FILIP1: variants seen among roughly 807,000 people sequenced by gnomAD.
FILIP1 encodes the protein filamin A interacting protein 1.
Under a neutral mutation model 102.1 loss-of-function variants are expected in FILIP1, and 61 were observed. The ratio of observed to expected loss-of-function variants is 0.60; its 90% CI spans 0.49 to 0.74. FILIP1 has a LOEUF of 0.74. FILIP1 is among the 30% of genes least tolerant of loss of function. FILIP1 has a pLI of 0.00. For missense variants in FILIP1, 1,314 were observed against 1,441.2 expected (o/e 0.91, Z 1.43); for synonymous variants, 491 against 526.9 (o/e 0.93, Z 0.93).
intron 2 of FILIP1, among the ~76,000 whole-genome samples, chr6:75,380,314 A>T (rs1562524358): frequency 6.6e-6 from 1 of 152,146 alleles, no homozygotes; most frequent in African/African-American, 2.4e-5. Flanking sequence ...TAAAGCTCAA[A>T]AGAAAAATGC....
At chr6:75,382,308 A>G (rs1393431636) in intron 2 of FILIP1, among the ~76,000 whole-genome samples, 1 of 152,214 alleles carries the variant, frequency 6.6e-6, no homozygotes, top group Non-Finnish European at 1.5e-5. Flanking sequence ...GCCCTAGAGC[A>G]TGACTTCTTG....
chr6:75,315,250 G>T (rs1773399443), intron 4 of FILIP1, 48 bp from the exon 5 acceptor site: 4 of 1,245,932 alleles, frequency 3.2e-6, no homozygotes, highest in South Asian at 3.7e-5. Context: ...TCAGCAAACA[G>T]ATTTAAGCAT....
chr6:75,409,268 T>A (rs1303646442), intron 2 of FILIP1, among the ~76,000 whole-genome samples: 1 of 152,190 alleles, frequency 6.6e-6, no homozygotes, highest in African/African-American at 2.4e-5. Context: ...TTTGGGCAAG[T>A]CACAAAACTC....
At chr6:75,450,156 G>A (rs558922351) in intron 1 of FILIP1, among the ~76,000 whole-genome samples, 12 of 152,066 alleles carry the variant, frequency 7.9e-5, no homozygotes, top group South Asian at 6.2e-4. Flanking sequence ...GAAGTGGCCC[G>A]GGCGGGTGGA....
chr6:75,388,362 G>A (rs905648122), intron 2 of FILIP1, among the ~76,000 whole-genome samples: 5 of 152,070 alleles, frequency 3.3e-5, no homozygotes, highest in Non-Finnish European at 7.4e-5. Context: ...TTGGCTATAC[G>A]GGCCCTTTTT....
chr6:75,322,113 A>G (rs1773685815), intron 4 of FILIP1, among the ~76,000 whole-genome samples: 3 of 151,904 alleles, frequency 2.0e-5, no homozygotes, highest in South Asian at 2.1e-4. Flanking sequence ...CTCTTCCCTC[A>G]TATTTAGAAA....
chr6:75,465,317 T>C (rs1779130968), intron 1 of FILIP1: 4 of 375,404 alleles, frequency 1.1e-5, no homozygotes, highest in African/African-American at 2.2e-5. Context: ...AAACTGAATA[T>C]ACAGCCTTAA....
chr6:75,323,569 G>A (rs905092068), intron 4 of FILIP1, among the ~76,000 whole-genome samples: 8 of 152,146 alleles, frequency 5.3e-5, no homozygotes, highest in African/African-American at 1.9e-4. Flanking sequence ...CATTTCAGGT[G>A]GTGTTAGAGG....
intron 1 of FILIP1, among the ~76,000 whole-genome samples, chr6:75,446,314 T>C (rs1169066916): frequency 6.6e-6 from 1 of 152,186 alleles, no homozygotes; most frequent in Admixed American, 6.5e-5. Context: ...TAAACTCCTA[T>C]ATTAATCAAG....
exon 7 of FILIP1, chr6:75,295,116 A>C (rs892614932): frequency 6.6e-6 from 1 of 152,108 alleles, no homozygotes; most frequent in Non-Finnish European, 1.5e-5. Context: ...TAAGTCTTAT[A>C]CATACAAGTA....
rs9341518 is a variant in FILIP1 at position 75,432,440 on chromosome 6, T to C, written c.-6-17462A>G. On this transcript the variant is annotated intron_variant, in intron 1 of 5. Coordinates refer to ENST00000237172, the MANE Select transcript of FILIP1 (RefSeq NM_015687.5). ...CCTCACAGTAACAAAACTGTTCCCA[T>C]TGAAAAGATAAATCACAGAGAGAGC... is the stretch of plus-strand genomic sequence containing the variant. Among the ~76,000 whole-genome samples, 7 of 152,328 alleles carry C rather than the reference T, an allele frequency of 4.6e-5. No homozygotes were observed. In the East Asian group the frequency reaches 9.6e-4, roughly 21 times the overall value.
intron 2 of FILIP1, among the ~76,000 whole-genome samples, chr6:75,393,114 A>C (rs1265779565): frequency 6.6e-6 from 1 of 152,188 alleles, no homozygotes; most frequent in Non-Finnish European, 1.5e-5. Context: ...AGAGGTTCAC[A>C]TTGACTCAGA....
At chr6:75,460,837 G>C (rs966966353) in intron 1 of FILIP1, among the ~76,000 whole-genome samples, 3 of 152,124 alleles carry the variant, frequency 2.0e-5, no homozygotes, top group Admixed American at 2.0e-4. Flanking sequence ...ATACTTGTTA[G>C]CTTTGTTTTT....
In FILIP1 at chr6:75,355,156, G is replaced by A. The variant is rs556577554; in HGVS notation, c.451-1439C>T. 6.6e-5 allele frequency among the ~76,000 whole-genome samples: 10 copies of A among 152,020 alleles called. No homozygotes were observed. In the South Asian group the frequency reaches 1.0e-3, roughly 16 times the overall value. ...CTAAAAATACAAAAATTAGCCAGGC[G>A]TGTTGGCAGACGCCTGTAATCCCAG... On this transcript the variant is annotated intron_variant, in intron 3 of 5. Coordinates refer to ENST00000237172, the MANE Select transcript of FILIP1 (RefSeq NM_015687.5).
intron 2 of FILIP1, 99 bp from the exon 3 acceptor site, chr6:75,363,016 T>C: frequency 8.2e-7 from 1 of 1,217,712 alleles, no homozygotes; most frequent in Non-Finnish European, 1.2e-6. Context: ...ATCCCCATCT[T>C]GTCAGGGCTA....
At chr6:75,424,844 C>T (rs1777579248) in intron 1 of FILIP1, among the ~76,000 whole-genome samples, 1 of 152,126 alleles carries the variant, frequency 6.6e-6, no homozygotes, top group African/African-American at 2.4e-5. Context: ...GCACAGATCA[C>T]CCCATCTGTG....
chr6:75,441,116 A>G (rs1324949687), intron 1 of FILIP1, among the ~76,000 whole-genome samples: 1 of 151,766 alleles, frequency 6.6e-6, no homozygotes, highest in Admixed American at 6.6e-5. Flanking sequence ...TTTCCTAGGC[A>G]GAGGACCCTG....
At chr6:75,441,507 G>A (rs1424417842) in intron 1 of FILIP1, among the ~76,000 whole-genome samples, 1 of 152,082 alleles carries the variant, frequency 6.6e-6, no homozygotes. Context: ...ACACCTCCCA[G>A]ACGGGGTGGT....
intron 4 of FILIP1, among the ~76,000 whole-genome samples, chr6:75,346,223 G>A (rs1337318802): frequency 6.6e-6 from 1 of 152,172 alleles, no homozygotes; most frequent in Non-Finnish European, 1.5e-5. Context: ...AAATGTGTTT[G>A]AGAAATATCT....
Sources: allele counts gnomAD v4.1 joint callset (sites outside exome capture counted in the v4.1 genomes callset), GRCh38; gene constraint gnomAD v4.1.1; transcripts MANE v1.5; gene names NCBI Gene and HGNC (gene_info 2026-07-23, HGNC 2026-07-21).